Variants in ADAM22 observed in about 807,000 individuals in gnomAD.
ADAM22 encodes disintegrin and metalloproteinase domain-containing protein 22.
ADAM22 carries 65 observed loss-of-function variants against 144.6 expected under a neutral mutation model. That is an observed-to-expected ratio of 0.45 (90% confidence interval 0.37 to 0.55). The LOEUF (loss-of-function observed/expected upper bound fraction) is 0.55, where lower values mean the gene tolerates loss of function less well. Among genes scored for constraint, ADAM22 ranks in the 20% least tolerant of loss-of-function variants. ADAM22 has a pLI of 0.00. For synonymous variants in ADAM22, 391 were observed against 412.6 expected, an observed-to-expected ratio of 0.95 and a Z score of 0.63; for missense variants, 974 against 1,184.9, an observed-to-expected ratio of 0.82 and a Z score of 2.61.
At chr7:88,108,375 G>C (rs1825024327) in intron 5 of ADAM22, 117 bp downstream of exon 5, 3 of 780,928 alleles carry the variant, frequency 3.8e-6, no homozygotes, top group South Asian at 3.9e-5. Context: ...TTAAATTGGT[G>C]ATGGATCTGA....
chr7:88,064,564 G>A (rs1474479681), intron 3 of ADAM22, among the ~76,000 whole-genome samples: 1 of 152,080 alleles, frequency 6.6e-6, no homozygotes, highest in African/African-American at 2.4e-5. Context: ...CAAGGCACTG[G>A]CAGATTCAGT....
At chr7:87,989,923 G>GAA (rs545049148) in intron 3 of ADAM22, among the ~76,000 whole-genome samples, 30 of 143,660 alleles carry the variant, frequency 2.1e-4, no homozygotes, top group Non-Finnish European at 4.0e-4. Flanking sequence ...CCATCTCAAA[G>GAA]AAAAAAAAAA....
chr7:88,108,734 AAAT>A (rs371114402), intron 5 of ADAM22, among the ~76,000 whole-genome samples: 12,160 of 121,184 alleles, frequency 0.1, 1,033 homozygotes, highest in African/African-American at 0.25. Context: ...GATTCAAAAA[AAAT>A]AAAGAAAGAA....
chr7:87,968,857 C>T (rs1181550869), intron 2 of ADAM22, among the ~76,000 whole-genome samples: 1 of 152,140 alleles, frequency 6.6e-6, no homozygotes. Flanking sequence ...CAGGCTTTTG[C>T]TTCTGGGGAG....
chr7:88,175,382 T>C (rs1845379375), intron 26 of ADAM22, among the ~76,000 whole-genome samples: 1 of 152,176 alleles, frequency 6.6e-6, no homozygotes, highest in Admixed American at 6.6e-5. Flanking sequence ...TTACAGGGGT[T>C]GATCCTTACC....
At chr7:87,975,201 C>T (rs1161450257) in intron 2 of ADAM22, among the ~76,000 whole-genome samples, 1 of 152,164 alleles carries the variant, frequency 6.6e-6, no homozygotes, top group Admixed American at 6.5e-5. Context: ...CACCCTTAGA[C>T]CTCCATCTTC....
chr7:88,139,582 A>G (rs1834016429), intron 14 of ADAM22, among the ~76,000 whole-genome samples: 1 of 152,190 alleles, frequency 6.6e-6, no homozygotes, highest in Non-Finnish European at 1.5e-5. Context: ...GAAAAAAGGA[A>G]GTAATATTGT....
At chr7:88,067,197 A>T (rs1197733600) in intron 3 of ADAM22, among the ~76,000 whole-genome samples, 1 of 149,380 alleles carries the variant, frequency 6.7e-6, no homozygotes, top group Non-Finnish European at 1.5e-5. Flanking sequence ...TTCACCAGGG[A>T]CTCATTTGAA....
At chr7:88,134,060 T>G (rs1334844817) in intron 12 of ADAM22, among the ~76,000 whole-genome samples, 1 of 152,218 alleles carries the variant, frequency 6.6e-6, no homozygotes, top group African/African-American at 2.4e-5. Flanking sequence ...TGGTGAAATT[T>G]GGACTCAGAT....
chr7:88,088,325 T>C (rs1012307387), intron 4 of ADAM22, among the ~76,000 whole-genome samples: 2 of 152,142 alleles, frequency 1.3e-5, no homozygotes, highest in Non-Finnish European at 2.9e-5. Context: ...AGCCCCATGA[T>C]AGATTTCTAA....
chr7:87,976,899 CT>C (rs1852022115), intron 2 of ADAM22, among the ~76,000 whole-genome samples: 1 of 146,836 alleles, frequency 6.8e-6, no homozygotes, highest in East Asian at 2.0e-4. Context: ...AGTAGAAAAT[CT>C]AGGGCTTACA....
intron 3 of ADAM22, among the ~76,000 whole-genome samples, chr7:87,981,262 A>G (rs907006111): frequency 3.3e-5 from 5 of 152,188 alleles, no homozygotes; most frequent in African/African-American, 1.2e-4. Context: ...ACAATTAGGA[A>G]AAATATCTTT....
In ADAM22 at chr7:88,173,740, A is replaced by G. The variant is rs191556177; in HGVS notation, c.2300+2179A>G. Among the ~76,000 whole-genome samples the G allele has an allele frequency of 3.9e-3, 601 of 152,240 alleles. 3 individuals carry two copies. The highest frequency in any genetic ancestry group is 6.6e-3 in the Non-Finnish European group (448 of 67,942). On this transcript the variant is annotated intron_variant, in intron 26 of 31. Transcript: ENST00000413139. Reference sequence around the variant, plus strand: ...TTCCATGGTAGGGAGACCAGTCCACAAGGAATCAGAAATCTACTAGTATGT... The same window carrying G: ...TTCCATGGTAGGGAGACCAGTCCACGAGGAATCAGAAATCTACTAGTATGT...
intron 3 of ADAM22, among the ~76,000 whole-genome samples, chr7:87,988,375 C>A (rs1788966553): frequency 6.6e-6 from 1 of 152,136 alleles, no homozygotes; most frequent in African/African-American, 2.4e-5. Flanking sequence ...CAGAGAAAGG[C>A]ACTGTGATGC....
At chr7:88,013,325 T>G (rs887215743) in intron 3 of ADAM22, among the ~76,000 whole-genome samples, 1 of 152,248 alleles carries the variant, frequency 6.6e-6, no homozygotes, top group East Asian at 1.9e-4. Context: ...CTTTTTTTCC[T>G]TGTGAAAATG....
At chr7:88,134,218 G>C (rs541623679) in intron 12 of ADAM22, 111 bp from the exon 13 acceptor site, 182 of 774,722 alleles carry the variant, frequency 2.3e-4, no homozygotes, top group Non-Finnish European at 3.3e-4. Context: ...CTCTTCTAAA[G>C]AAATTGCTTA....
At chr7:88,061,159 T>A (rs546809449) in intron 3 of ADAM22, among the ~76,000 whole-genome samples, 227 of 152,292 alleles carry the variant, frequency 1.5e-3, no homozygotes, top group Non-Finnish European at 2.6e-3. Flanking sequence ...TAGCATTCAG[T>A]CACATCTTCA....
intron 2 of ADAM22, among the ~76,000 whole-genome samples, chr7:87,945,793 G>C (rs991626788): frequency 2.0e-5 from 3 of 152,130 alleles, no homozygotes; most frequent in African/African-American, 2.4e-5. Context: ...GATTACAGGC[G>C]TGAACCACCA....
rs1794305572 is a variant in ADAM22, at chr7:88,007,749, C to A, written c.323+29337C>A. Among the ~76,000 whole-genome samples the A allele has an allele frequency of 3.9e-5, 6 of 152,204 alleles. No individual in the cohort carries two copies. The South Asian group carries it at 1.2e-3, about 32-fold the overall frequency. On this transcript the variant is annotated intron_variant, in intron 3 of 31. Coordinates refer to ENST00000413139, the MANE Select transcript of ADAM22 (RefSeq NM_001324418.2). ...CTTACACCTTATATAAAAATTAATT[C>A]AAGATGGATTAAAGACTTAAACGTT...
Sources: gnomAD v4.1 joint callset for allele counts (sites outside exome capture counted in the v4.1 genomes callset) on GRCh38, gnomAD v4.1.1 for gene constraint, MANE v1.5 for transcripts, NCBI Gene and HGNC (gene_info 2026-07-23, HGNC 2026-07-21) for gene names.